KCNQ1: variants seen among roughly 807,000 people sequenced by gnomAD.
KCNQ1 encodes potassium voltage-gated channel subfamily KQT member 1.
A neutral mutation model predicts 72.4 loss-of-function variants in KCNQ1; 49 were observed. That is an observed-to-expected ratio of 0.68 (90% confidence interval 0.54 to 0.86). The LOEUF (loss-of-function observed/expected upper bound fraction) is 0.86. Ranked by LOEUF, KCNQ1 falls within the 40% of genes least tolerant of loss-of-function variation. The probability of loss-of-function intolerance (pLI) is 0.00; values close to 1 mark genes in which losing one functional copy is unlikely to be tolerated. For synonymous variants in KCNQ1, 450 were observed against 412.6 expected, an observed-to-expected ratio of 1.09 and a Z score of -1.10; for missense variants, 790 against 945.1, an observed-to-expected ratio of 0.84 and a Z score of 2.15.
At chr11:2,614,705 C>T in intron 10 of KCNQ1, 1 of 398,342 alleles carries the variant, frequency 2.5e-6, no homozygotes, top group Non-Finnish European at 4.4e-6. Context: ...TTTATTTCTA[C>T]ATTCTCTATT....
rs546862091 is a variant in KCNQ1 at position 2,550,603 on chromosome 11, C to T, written c.478-20025C>T. On this transcript the variant is annotated intron_variant, in intron 2 of 15. Transcript: ENST00000155840. The surrounding 1 kb of genome is among the most constrained non-coding windows in gnomAD (Gnocchi z 6.0). ...AATGCCAACACGTGAGCTGAGTGAC[C>T]GGAAGAGGGGGCGCCTCCCTGAGCA... Among the ~76,000 whole-genome samples the T allele has an allele frequency of 5.9e-5, 9 of 152,154 alleles. No homozygotes were observed. Among genetic ancestry groups the T allele is most frequent in the South Asian group, 4.1e-4 (2 of 4,826 alleles).
chr11:2,641,427 T>A, intron 10 of KCNQ1: 1 of 398,410 alleles, frequency 2.5e-6, no homozygotes, highest in Non-Finnish European at 4.4e-6. Flanking sequence ...TGGCTACTTG[T>A]ATGTTTTCTT....
intron 11 of KCNQ1, among the ~76,000 whole-genome samples, chr11:2,719,520 AC>A (rs907538102): frequency 6.6e-6 from 1 of 151,622 alleles, no homozygotes; most frequent in East Asian, 1.9e-4. Context: ...AACCATTATC[AC>A]CCCCTGCACA....
At chr11:2,822,741 G>C (rs1179374360) in intron 15 of KCNQ1, among the ~76,000 whole-genome samples, 2 of 152,178 alleles carry the variant, frequency 1.3e-5, no homozygotes, top group African/African-American at 4.8e-5. Flanking sequence ...TGGAGTCCTT[G>C]GCAGGGGCTC....
rs1849868589 is a variant in KCNQ1 at position 2,657,383 on chromosome 11, T to A, written c.1394-4578T>A. ...CCATTTATATCTTCTTCATTGTCTC[T>A]TACTAAAGTTTTACAATTTTCTCCA... On this transcript the variant is annotated intron_variant, in intron 10 of 15. Coordinates refer to ENST00000155840, the MANE Select transcript of KCNQ1 (RefSeq NM_000218.3). The surrounding 1 kb of genome is among the most constrained non-coding windows in gnomAD (Gnocchi z 4.8). The A allele has an allele frequency of 2.5e-6, 1 of 398,494 alleles. No homozygotes were observed. 24.7% of individuals were successfully genotyped at this position (398,494 alleles called of 1,614,324 possible). A position where few individuals can be genotyped will look rare whatever the true frequency, so the allele number is the denominator to read the frequency against.
At chr11:2,585,350 T>G in intron 8 of KCNQ1, 43 bp downstream of exon 8, 1 of 1,543,466 alleles carries the variant, frequency 6.5e-7, no homozygotes, top group Non-Finnish European at 9.0e-7. Context: ...TTTTGGTCAC[T>G]GTTATTGTTG....
At chr11:2,610,021 G>C (rs1198064143) in intron 10 of KCNQ1, 1 of 397,498 alleles carries the variant, frequency 2.5e-6, no homozygotes, top group African/African-American at 2.1e-5. Flanking sequence ...TATTATTATT[G>C]ATATAATTAG....
At chr11:2,749,832 G>T (rs1564880822) in intron 11 of KCNQ1, among the ~76,000 whole-genome samples, 1 of 151,004 alleles carries the variant, frequency 6.6e-6, no homozygotes, top group Non-Finnish European at 1.5e-5. Context: ...ATATATATTA[G>T]CTGGATGTGG....
Position 2,815,758 on chromosome 11 carries a change from G to A in KCNQ1, c.1795-32009G>A, listed in dbSNP as rs186076168. Among the ~76,000 whole-genome samples, 1 of 152,072 alleles carries A rather than the reference G, an allele frequency of 6.6e-6. No homozygotes were observed. Among genetic ancestry groups the A allele is most frequent in the African/African-American group, 2.4e-5 (1 of 41,392 alleles). ...GAGCAGACACGGGAGTAGGATGGGG[G>A]CCCTGGAGGTACTGGGTGGAGCTGC... On this transcript the variant is annotated intron_variant, in intron 15 of 15. Transcript: ENST00000155840. This position sits in a 1 kb window ranked among gnomAD's most constrained non-coding sequence, Gnocchi z 5.4.
chr11:2,672,988 A>G, intron 11 of KCNQ1: 1 of 398,720 alleles, frequency 2.5e-6, no homozygotes, highest in East Asian at 3.6e-5. Flanking sequence ...GCCTTGCCTA[A>G]AGGAGAAGCC....
rs565853703 is a variant in KCNQ1 at position 2,723,363 on chromosome 11, G to A, written c.1515-45481G>A. Among the ~76,000 whole-genome samples, 5 of 152,320 alleles carry A rather than the reference G, an allele frequency of 3.3e-5. No individual in the cohort carries two copies. Among genetic ancestry groups the A allele is most frequent in the Admixed American group, 6.5e-5 (1 of 15,310 alleles). ...CTCAAGACTCCTAGCAAGCCCCTCC[G>A]TCTCAGAGCCTTGGTGTCCCCATCT... is the stretch of plus-strand genomic sequence containing the variant. On this transcript the variant is annotated intron_variant, in intron 11 of 15. Transcript: ENST00000155840. This position sits in a 1 kb window ranked among gnomAD's most constrained non-coding sequence, Gnocchi z 4.2.
At position 2,659,563 on chromosome 11, in the gene KCNQ1, C is replaced by T. The variant is rs1309556413; in HGVS notation, c.1394-2398C>T. 1 of 398,436 alleles carries T rather than the reference C, an allele frequency of 2.5e-6. No homozygotes were observed. The highest frequency in any genetic ancestry group is 4.4e-6 in the Non-Finnish European group (1 of 226,036). The allele number at this position is 398,436 out of a possible 1,614,324, so 24.7% of individuals were successfully genotyped here. On this transcript the variant is annotated intron_variant, in intron 10 of 15. Transcript: ENST00000155840. The surrounding 1 kb of genome is among the most constrained non-coding windows in gnomAD (Gnocchi z 4.3). Reference sequence around the variant, plus strand: ...GGTAATTATGAGCAGAGTTACTATACACATTTATGTACAGGTTTTTGCGAA... The same window carrying T: ...GGTAATTATGAGCAGAGTTACTATATACATTTATGTACAGGTTTTTGCGAA...
In KCNQ1 at chr11:2,653,155, C is replaced by G. The variant is rs993136348; in HGVS notation, c.1394-8806C>G. ...CATCACAGCAGTAGAAAGCCAATGT[C>G]CCACCTTAGGAAATCCCTTTCCAAG... is the stretch of plus-strand genomic sequence containing the variant. On this transcript the variant is annotated intron_variant, in intron 10 of 15. Coordinates refer to ENST00000155840, the MANE Select transcript of KCNQ1 (RefSeq NM_000218.3). This position sits in a 1 kb window ranked among gnomAD's most constrained non-coding sequence, Gnocchi z 5.3. The G allele has an allele frequency of 7.5e-6, 3 of 398,608 alleles. No homozygotes were observed. Among genetic ancestry groups the G allele is most frequent in the Non-Finnish European group, 1.3e-5 (3 of 226,126 alleles). The allele number at this position is 398,608 out of a possible 1,614,324, so 24.7% of individuals were successfully genotyped here. A position where few individuals can be genotyped will look rare whatever the true frequency, so the allele number is the denominator to read the frequency against.
At chr11:2,614,948 G>A in intron 10 of KCNQ1, 1 of 398,428 alleles carries the variant, frequency 2.5e-6, no homozygotes, top group Middle Eastern at 6.3e-4. Context: ...TTGGGATTTT[G>A]ATAAGGGTTG....
intron 11 of KCNQ1, chr11:2,697,209 G>A (rs1004143641): frequency 2.5e-6 from 1 of 398,532 alleles, no homozygotes; most frequent in Admixed American, 4.4e-5. Context: ...TTCTAAGATG[G>A]TAACTATCAA....
In KCNQ1 at chr11:2,674,350, G is replaced by A. The variant is rs532746310; in HGVS notation, c.1514+12269G>A. On this transcript the variant is annotated intron_variant, in intron 11 of 15. Coordinates refer to ENST00000155840, the MANE Select transcript of KCNQ1 (RefSeq NM_000218.3). The surrounding 1 kb of genome is among the most constrained non-coding windows in gnomAD (Gnocchi z 5.9). ...CCCTCTGGAAATCTGAATTCCATTC[G>A]CTCTTGGCAAAGAGCAGCTTCCTGC... 9.0e-5 allele frequency: 36 copies of A among 398,278 alleles called. No individual in the cohort carries two copies. The highest frequency in any genetic ancestry group is 7.6e-4 in the South Asian group (6 of 7,854). The allele number at this position is 398,278 out of a possible 1,614,324, so 24.7% of individuals were successfully genotyped here.
intron 11 of KCNQ1, among the ~76,000 whole-genome samples, chr11:2,763,583 C>T (rs1243346384): frequency 1.3e-5 from 2 of 152,094 alleles, no homozygotes; most frequent in Admixed American, 1.3e-4. Context: ...TAGAAATATA[C>T]ATATACATAT....
chr11:2,512,445 C>G (rs1847225793), intron 1 of KCNQ1, among the ~76,000 whole-genome samples: 2 of 152,194 alleles, frequency 1.3e-5, no homozygotes. Context: ...CATCCTTGCC[C>G]CCACACACCC....
In KCNQ1 at chr11:2,778,012, C is replaced by T; in HGVS notation, c.1769C>T (p.Ala590Val). 6.2e-7 allele frequency: 1 copy of T among 1,613,734 alleles called. No homozygotes were observed. The highest frequency in any genetic ancestry group is 8.5e-7 in the Non-Finnish European group (1 of 1,180,016). ...GATCGCGGCAGCAACACGATCGGCG[C>T]CCGCCTGAACCGAGTAGAAGACAAG... ...SKDRGSNTIG[A>V]RLNRVEDKVT... is the part of the protein sequence containing the mutation. The change falls in exon 15 of 16, where the codon GCC becomes GTC. Residue 590 changes from alanine (A) to valine (V), a missense_variant. Transcript: ENST00000155840.
Sources: gnomAD v4.1 joint callset for allele counts (sites outside exome capture counted in the v4.1 genomes callset) on GRCh38, gnomAD v4.1.1 for gene constraint, Gnocchi (gnomAD v3.1) non-coding constraint, MANE v1.5 for transcripts, NCBI Gene and HGNC (gene_info 2026-07-23, HGNC 2026-07-21) for gene names.